Variants in TMEM70 observed in about 807,000 individuals in gnomAD.
TMEM70 encodes transmembrane protein 70.
TMEM70 carries 15 observed loss-of-function variants against 20.5 expected under a neutral mutation model. That is an observed-to-expected ratio of 0.73 (90% CI 0.49 to 1.13). The LOEUF (loss-of-function observed/expected upper bound fraction) is 1.13, where lower values mean the gene tolerates loss of function less well. Among genes scored for constraint, TMEM70 ranks in the 50% most tolerant of loss-of-function variants. The pLI is 0.00. For missense variants in TMEM70, 344 were observed against 331.7 expected (o/e 1.04, Z -0.29); for synonymous variants, 141 against 134.2 (o/e 1.05, Z -0.35).
intron 2 of TMEM70, chr8:73,979,312 A>G (rs1815732048): frequency 1.6e-5 from 3 of 191,354 alleles, no homozygotes. Flanking sequence ...TACAGGCGTG[A>G]GCCACCACGC....
At position 73,982,580 on chromosome 8, in the gene TMEM70, G is replaced by C. The variant is rs200321818; in HGVS notation, c.*959G>C. ...TGGGAGCAGTTTTAAGTCTTCTTTG[G>C]TTCAGAACACAGGTTTTTGCCTAAC... On this transcript the variant is annotated 3_prime_UTR_variant, in exon 3 of 3. Transcript: ENST00000312184. 12 of 491,564 alleles carry C rather than the reference G, an allele frequency of 2.4e-5. No homozygotes were observed. The East Asian group carries it at 6.9e-4, about 28-fold the overall frequency. The allele number at this position is 491,564 out of a possible 1,614,324, so 30.5% of individuals were successfully genotyped here. A position where few individuals can be genotyped will look rare whatever the true frequency, so the allele number is the denominator to read the frequency against.
At chr8:73,979,114 C>T (rs975600380) in intron 2 of TMEM70, 4 of 575,798 alleles carry the variant, frequency 6.9e-6, no homozygotes, top group African/African-American at 1.8e-5. Flanking sequence ...GTTCACCATA[C>T]TCTTCGCCTC....
intron 2 of TMEM70, among the ~76,000 whole-genome samples, chr8:73,980,434 C>A (rs1234284567): frequency 5.3e-5 from 8 of 151,342 alleles, no homozygotes; most frequent in African/African-American, 7.3e-5. Context: ...AGTGTGCAGT[C>A]TTGGCTCACT....
Position 73,981,922 on chromosome 8 carries a change from G to C in TMEM70, c.*301G>C, listed in dbSNP as rs910848986. 1 of 527,046 alleles carries C rather than the reference G, an allele frequency of 1.9e-6. No individual in the cohort carries two copies. Among genetic ancestry groups the C allele is most frequent in the African/African-American group, 1.9e-5 (1 of 52,990 alleles). The allele number at this position is 527,046 out of a possible 1,614,324, so 32.6% of individuals were successfully genotyped here. A position where few individuals can be genotyped will look rare whatever the true frequency, so the allele number is the denominator to read the frequency against. On this transcript the variant is annotated 3_prime_UTR_variant, in exon 3 of 3. Transcript: ENST00000312184. ...GATCTGATGTCAGTAGCAAATGGGA[G>C]AGTTGCTTTATTCTTTGTGTATGGA...
rs777453009 is a variant in TMEM70, at chr8:73,976,510, G to A, written c.210+19G>A. The A allele has an allele frequency of 6.6e-7, 1 of 1,505,944 alleles. No individual in the cohort carries two copies. The allele number at this position is 1,505,944 out of a possible 1,614,324, so 93.3% of individuals were successfully genotyped here. On this transcript the variant is annotated intron_variant, in intron 1 of 2. Transcript: ENST00000312184. Reference sequence around the variant, plus strand: ...AGCGCAGGTAGGGCGTCCGAGGTCTGGTGTCCCAAGTGAGGCGGGGAGGGC... The same window carrying A: ...AGCGCAGGTAGGGCGTCCGAGGTCTAGTGTCCCAAGTGAGGCGGGGAGGGC...
chr8:73,976,965 G>A (rs1487326829), intron 1 of TMEM70, among the ~76,000 whole-genome samples: 1 of 152,180 alleles, frequency 6.6e-6, no homozygotes, highest in African/African-American at 2.4e-5. Context: ...TGAATAAATT[G>A]TCTTCTAATT....
In TMEM70 at chr8:73,981,526, G is replaced by A. The variant is rs771894249; in HGVS notation, c.688G>A (p.Glu230Lys). 1 of 1,613,914 alleles carries A rather than the reference G, an allele frequency of 6.2e-7. No individual in the cohort carries two copies. The highest frequency in any genetic ancestry group is 1.7e-5 in the Admixed American group (1 of 60,018). The change falls in exon 3 of 3, where the codon GAA becomes AAA. Residue 230 changes from glutamate to lysine, a missense_variant. Transcript: ENST00000312184. Reference protein sequence around the residue: ...LVNPVLFPNREDYIHLMGYDK... With the variant: ...LVNPVLFPNRKDYIHLMGYDK... ...TAATCCAGTGCTCTTTCCAAACCGT[G>A]AAGACTATATCCATCTAATGGGTTA...
chr8:73,976,309 T>TGG lies in TMEM70; in HGVS notation c.30_31dup (p.Ala11GlyfsTer40), dbSNP rs1444024910. 7 of 1,600,762 alleles carry TGG rather than the reference T, an allele frequency of 4.4e-6. No individual in the cohort carries two copies. The highest frequency in any genetic ancestry group is 5.9e-6 in the Non-Finnish European group (7 of 1,179,584). ...GCTGTTTCTGGCGTTGGGCAGCCCG[T>TGG]GGGCGGTCGAACTGCCTCTCTGCGG... On this transcript the variant is annotated frameshift_variant, in exon 1 of 3. Coordinates refer to ENST00000312184, the MANE Select transcript of TMEM70 (RefSeq NM_017866.6). LOFTEE classifies it high-confidence loss of function.
chr8:73,981,731 A>C lies in TMEM70; in HGVS notation c.*110A>C. 1.2e-6 allele frequency: 1 copy of C among 859,412 alleles called. No individual in the cohort carries two copies. Among genetic ancestry groups the C allele is most frequent in the Non-Finnish European group, 1.9e-6 (1 of 532,700 alleles). The allele number at this position is 859,412 out of a possible 1,614,324, so 53.2% of individuals were successfully genotyped here. A position where few individuals can be genotyped will look rare whatever the true frequency, so the allele number is the denominator to read the frequency against. On this transcript the variant is annotated 3_prime_UTR_variant, in exon 3 of 3. Transcript: ENST00000312184. ...TGATTGTTAAAAATAATTTGAAATT[A>C]TCAAAGCTTTTAATTTCCAGAGAAT... is the stretch of plus-strand genomic sequence containing the variant.
rs1437988310 is a variant in TMEM70 at position 73,981,972 on chromosome 8, C to G, written c.*351C>G. The G allele has an allele frequency of 2.1e-5, 10 of 477,636 alleles. No individual in the cohort carries two copies. The highest frequency in any genetic ancestry group is 4.1e-5 in the Non-Finnish European group (10 of 242,834). The allele number at this position is 477,636 out of a possible 1,614,324, so 29.6% of individuals were successfully genotyped here. A position where few individuals can be genotyped will look rare whatever the true frequency, so the allele number is the denominator to read the frequency against. On this transcript the variant is annotated 3_prime_UTR_variant, in exon 3 of 3. Transcript: ENST00000312184. ...ATTTTTCTAAGTGTATAAATATTTTCCGACATTAAAAGACATTTTCTCTTT... is the reference window on the plus strand; with the variant it reads ...ATTTTTCTAAGTGTATAAATATTTTGCGACATTAAAAGACATTTTCTCTTT...
At position 73,982,419 on chromosome 8, in the gene TMEM70, C is replaced by T. The variant is rs746979608; in HGVS notation, c.*798C>T. The T allele has an allele frequency of 1.5e-5, 12 of 803,548 alleles. No individual in the cohort carries two copies. Among genetic ancestry groups the T allele is most frequent in the Non-Finnish European group, 2.5e-5 (12 of 476,294 alleles). The allele number at this position is 803,548 out of a possible 1,614,324, so 49.8% of individuals were successfully genotyped here. A position where few individuals can be genotyped will look rare whatever the true frequency, so the allele number is the denominator to read the frequency against. ...AGTCCTCAGATAGTTAAGCAGATTA[C>T]TTCCATCAGTATTGAGCCAGGAGTT... On this transcript the variant is annotated 3_prime_UTR_variant, in exon 3 of 3. Coordinates refer to ENST00000312184, the MANE Select transcript of TMEM70 (RefSeq NM_017866.6).
At position 73,976,507 on chromosome 8, in the gene TMEM70, T is replaced by G. The variant is rs769397441; in HGVS notation, c.210+16T>G. The G allele has an allele frequency of 8.6e-6, 13 of 1,509,004 alleles. No individual in the cohort carries two copies. Among genetic ancestry groups the G allele is most frequent in the Non-Finnish European group, 1.1e-5 (13 of 1,133,658 alleles). The allele number at this position is 1,509,004 out of a possible 1,614,324, so 93.5% of individuals were successfully genotyped here. A position where few individuals can be genotyped will look rare whatever the true frequency, so the allele number is the denominator to read the frequency against. On this transcript the variant is annotated intron_variant, in intron 1 of 2. Coordinates refer to ENST00000312184, the MANE Select transcript of TMEM70 (RefSeq NM_017866.6). Reference sequence around the variant, plus strand: ...TCGAGCGCAGGTAGGGCGTCCGAGGTCTGGTGTCCCAAGTGAGGCGGGGAG... The same window carrying G: ...TCGAGCGCAGGTAGGGCGTCCGAGGGCTGGTGTCCCAAGTGAGGCGGGGAG...
chr8:73,979,078 G>C, intron 2 of TMEM70: 1 of 657,928 alleles, frequency 1.5e-6, no homozygotes, highest in Non-Finnish European at 2.8e-6. Flanking sequence ...CTGTTGTCCA[G>C]GCTGGAGTGC....
intron 2 of TMEM70, among the ~76,000 whole-genome samples, chr8:73,979,698 G>C (rs1815742470): frequency 6.6e-6 from 1 of 151,576 alleles, no homozygotes; most frequent in African/African-American, 2.4e-5. Context: ...CTTCAAACTT[G>C]TGGGCTCGAG....
At chr8:73,976,843 AG>A (rs1815664088) in intron 1 of TMEM70, among the ~76,000 whole-genome samples, 1 of 152,226 alleles carries the variant, frequency 6.6e-6, no homozygotes, top group Non-Finnish European at 1.5e-5. Context: ...CGAAAGAGCC[AG>A]GTTAACCTGA....
At chr8:73,978,172 C>T (rs1051001138) in intron 1 of TMEM70, among the ~76,000 whole-genome samples, 3 of 151,562 alleles carry the variant, frequency 2.0e-5, no homozygotes, top group Non-Finnish European at 2.9e-5. Context: ...CTGCAATCTC[C>T]GCCTCCCAGG....
rs1815842862 is a variant in TMEM70, at chr8:73,982,672, G to C, written c.*1051G>C. ...ACTGGTGGTTAGCTATACGGGAAAT[G>C]GTAAGTAGTGTTGTCTTCAGTATCT... On this transcript the variant is annotated 3_prime_UTR_variant, in exon 3 of 3. Transcript: ENST00000312184. 1 of 462,068 alleles carries C rather than the reference G, an allele frequency of 2.2e-6. No individual in the cohort carries two copies. The highest frequency in any genetic ancestry group is 2.0e-5 in the African/African-American group (1 of 50,518). The allele number at this position is 462,068 out of a possible 1,614,324, so 28.6% of individuals were successfully genotyped here.
At position 73,978,738 on chromosome 8, in the gene TMEM70, TGATCCCTGTTTCAATA is replaced by T. The variant is rs1374036185; in HGVS notation, c.211-6_220del. 4.3e-6 allele frequency: 7 copies of T among 1,613,122 alleles called. No homozygotes were observed. Among genetic ancestry groups the T allele is most frequent in the Non-Finnish European group, 5.9e-6 (7 of 1,179,410 alleles). ...ATTTAAGAAGGTTAGTTGACCATAA[TGATCCCTGTTTCAATA>T]GATCCCTGTTTATTGGGAAGGATAT... On this transcript the variant is annotated splice_acceptor_variant and splice_polypyrimidine_tract_variant and intron_variant, in intron 1 of 2. Coordinates refer to ENST00000312184, the MANE Select transcript of TMEM70 (RefSeq NM_017866.6). LOFTEE classifies it high-confidence loss of function.
chr8:73,982,454 G>T lies in TMEM70; in HGVS notation c.*833G>T. On this transcript the variant is annotated 3_prime_UTR_variant, in exon 3 of 3. Transcript: ENST00000312184. The stretch of plus-strand genomic sequence containing the variant: ...TATTGAGCCAGGAGTTGAGATGGAA[G>T]TCACCATTGCAAATGCTTAAGTCAA... The T allele has an allele frequency of 1.2e-6, 1 of 802,524 alleles. No homozygotes were observed. Among genetic ancestry groups the T allele is most frequent in the Non-Finnish European group, 2.1e-6 (1 of 477,550 alleles). 49.7% of individuals were successfully genotyped at this position (802,524 alleles called of 1,614,324 possible).
Sources: allele counts gnomAD v4.1 joint callset (sites outside exome capture counted in the v4.1 genomes callset), GRCh38; gene constraint gnomAD v4.1.1; transcripts MANE v1.5; gene names NCBI Gene and HGNC (gene_info 2026-07-23, HGNC 2026-07-21).